Variants in SUGCT observed in about 807,000 individuals in gnomAD.
The protein encoded by SUGCT is succinyl-CoA:glutarate-CoA transferase, also known as succinyl-CoA:glutarate CoA-transferase.
Under a neutral mutation model 55.0 loss-of-function variants are expected in SUGCT, and 41 were observed. That is an observed-to-expected ratio of 0.74 (90% CI 0.58 to 0.97). The LOEUF is 0.97. SUGCT is among the 50% of genes least tolerant of loss of function. SUGCT has a pLI of 0.00. For missense variants in SUGCT, 568 were observed against 547.8 expected (o/e 1.04, Z -0.37); for synonymous variants, 187 against 200.4 (o/e 0.93, Z 0.56).
the SUGCT span, among the ~76,000 whole-genome samples, chr7:40,914,449 G>C: frequency 1.2e-4 from 19 of 152,014 alleles, no homozygotes; most frequent in South Asian, 1.2e-3. Context: ...ACAAAGCCAG[G>C]TCTTCTCCTG....
chr7:40,794,941 T>A (rs901451740), intron 13 of SUGCT, among the ~76,000 whole-genome samples: 3 of 152,156 alleles, frequency 2.0e-5, no homozygotes, highest in Admixed American at 2.0e-4. Context: ...TACAAGAATT[T>A]ATGGGAATTT....
At chr7:40,510,321 G>A (rs1308884162) in intron 12 of SUGCT, among the ~76,000 whole-genome samples, 3 of 152,038 alleles carry the variant, frequency 2.0e-5, no homozygotes, top group Non-Finnish European at 4.4e-5. Context: ...TGGTTAGCTT[G>A]TTCTTAAACT....
intron 12 of SUGCT, among the ~76,000 whole-genome samples, chr7:40,591,784 A>T (rs1797734038): frequency 6.6e-6 from 1 of 152,220 alleles, no homozygotes; most frequent in African/African-American, 2.4e-5. Flanking sequence ...GGAACAGATG[A>T]TTGTTAGCAT....
intron 12 of SUGCT, among the ~76,000 whole-genome samples, chr7:40,652,269 G>T (rs530509550): frequency 6.6e-6 from 1 of 152,162 alleles, no homozygotes; most frequent in Non-Finnish European, 1.5e-5. Context: ...AGTTTTGCAT[G>T]TGGAGGGCAG....
intron 12 of SUGCT, among the ~76,000 whole-genome samples, chr7:40,612,173 C>T (rs1398996443): frequency 4.6e-5 from 7 of 152,082 alleles, no homozygotes; most frequent in Admixed American, 4.6e-4. Flanking sequence ...TCTGCGAGAA[C>T]CTTTAGTCCT....
chr7:40,629,718 T>C (rs573622268), intron 12 of SUGCT, among the ~76,000 whole-genome samples: 4 of 152,354 alleles, frequency 2.6e-5, no homozygotes, highest in African/African-American at 9.6e-5. Flanking sequence ...CTGTCAGGTT[T>C]ATGTATTAAG....
intron 9 of SUGCT, among the ~76,000 whole-genome samples, chr7:40,430,194 T>C (rs1477608890): frequency 6.6e-6 from 1 of 152,216 alleles, no homozygotes; most frequent in African/African-American, 2.4e-5. Flanking sequence ...GAAGAGGGAT[T>C]ACTGGGTCAT....
At chr7:41,023,426 C>CA in the SUGCT span, among the ~76,000 whole-genome samples, 1 of 151,426 alleles carries the variant, frequency 6.6e-6, no homozygotes, top group African/African-American at 2.4e-5. Context: ...TAATGTTAGA[C>CA]AAAATAACCT....
At chr7:40,344,557 A>C (rs546140630) in intron 9 of SUGCT, among the ~76,000 whole-genome samples, 1 of 152,212 alleles carries the variant, frequency 6.6e-6, no homozygotes, top group Non-Finnish European at 1.5e-5. Context: ...TACTCACTTG[A>C]TTATATATTG....
chr7:40,257,070 AGT>A (rs1275182842), intron 7 of SUGCT, among the ~76,000 whole-genome samples: 1 of 151,620 alleles, frequency 6.6e-6, no homozygotes, highest in Non-Finnish European at 1.5e-5. Flanking sequence ...TTTTATATGG[AGT>A]CTCTCTCTGT....
chr7:40,353,085 GTC>G (rs1797718035), intron 9 of SUGCT, among the ~76,000 whole-genome samples: 1 of 152,108 alleles, frequency 6.6e-6, no homozygotes, highest in African/African-American at 2.4e-5. Flanking sequence ...TTTGAAAAGT[GTC>G]TGTGTCCTTT....
rs573916119 is a variant in SUGCT at position 40,210,706 on chromosome 7, G to A, written c.484+15646G>A. 1.5e-4 allele frequency among the ~76,000 whole-genome samples: 23 copies of A among 152,148 alleles called. No homozygotes were observed. The East Asian group carries it at 3.3e-3, about 22-fold the overall frequency. The stretch of plus-strand genomic sequence containing the variant: ...CGCATGTGGCCCCTGCTACTGTGTC[G>A]TTCCCCTATTTGCTAGGGTTAGACC... On this transcript the variant is annotated intron_variant, in intron 6 of 13. Transcript: ENST00000335693.
intron 8 of SUGCT, among the ~76,000 whole-genome samples, chr7:40,284,321 A>G (rs888686667): frequency 7.2e-5 from 11 of 152,108 alleles, no homozygotes; most frequent in Non-Finnish European, 1.6e-4. Flanking sequence ...ATATGAGGTG[A>G]TGAAGGACAG....
chr7:40,981,273 T>A, the SUGCT span, among the ~76,000 whole-genome samples: 1 of 152,156 alleles, frequency 6.6e-6, no homozygotes, highest in African/African-American at 2.4e-5. Context: ...AGATAGCACA[T>A]GTTTGCAACC....
At chr7:41,014,274 T>C in the SUGCT span, among the ~76,000 whole-genome samples, 1 of 152,222 alleles carries the variant, frequency 6.6e-6, no homozygotes, top group African/African-American at 2.4e-5. Context: ...GCTGTGTGTG[T>C]CTGTGGTGAA....
At chr7:40,523,935 A>G (rs1273375768) in intron 12 of SUGCT, among the ~76,000 whole-genome samples, 1 of 152,014 alleles carries the variant, frequency 6.6e-6, no homozygotes, top group African/African-American at 2.4e-5. Context: ...TCATGGATCT[A>G]TTATATATAG....
chr7:40,650,958 G>T (rs1191872962), intron 12 of SUGCT, among the ~76,000 whole-genome samples: 4 of 152,070 alleles, frequency 2.6e-5, no homozygotes, highest in African/African-American at 9.7e-5. Context: ...CTATAAACAA[G>T]AACATAATGT....
At chr7:40,282,397 G>A (rs1458848859) in intron 8 of SUGCT, among the ~76,000 whole-genome samples, 2 of 152,090 alleles carry the variant, frequency 1.3e-5, no homozygotes, top group Non-Finnish European at 2.9e-5. Flanking sequence ...GAACCCGGGA[G>A]GTGGAGGTTG....
At chr7:40,579,064 A>G (rs1250077180) in intron 12 of SUGCT, among the ~76,000 whole-genome samples, 1 of 152,164 alleles carries the variant, frequency 6.6e-6, no homozygotes. Flanking sequence ...CAATAATGAC[A>G]ACAACAGACA....
Sources: allele counts gnomAD v4.1 joint callset (sites outside exome capture counted in the v4.1 genomes callset), GRCh38; gene constraint gnomAD v4.1.1; transcripts MANE v1.5; gene names NCBI Gene and HGNC (gene_info 2026-07-23, HGNC 2026-07-21).